C2CD3: variants seen among roughly 807,000 people sequenced by gnomAD.
C2CD3 encodes C2 domain containing 3 centriole elongation regulator.
Under a neutral mutation model 234.0 loss-of-function variants are expected in C2CD3, and 148 were observed. That is an observed-to-expected ratio of 0.63 (90% confidence interval 0.55 to 0.72). The LOEUF is 0.72. Among genes scored for constraint, C2CD3 ranks in the 30% least tolerant of loss-of-function variants. C2CD3 has a pLI of 0.00. For missense variants in C2CD3, 2,577 were observed against 2,811.5 expected (o/e 0.92, Z 1.89); for synonymous variants, 1,000 against 1,035.4 (o/e 0.97, Z 0.66).
rs113342391 is a variant in C2CD3 at position 74,054,742 on chromosome 11, G to A, written c.5091-71C>T. 0.015 allele frequency: 15,046 copies of A among 1,034,026 alleles called. 200 individuals carry two copies. The highest frequency in any genetic ancestry group is 0.051 in the African/African-American group (3,157 of 61,710). 64.1% of individuals were successfully genotyped at this position (1,034,026 alleles called of 1,614,324 possible). A position where few individuals can be genotyped will look rare whatever the true frequency, so the allele number is the denominator to read the frequency against. On this transcript the variant is annotated intron_variant, in intron 25 of 32. Transcript: ENST00000334126. Reference sequence around the variant, plus strand: ...CTGTAGTATAAAACTTAGATTTGAAGAATATCTTGTAATTTGCAAAGCACT... The same window carrying A: ...CTGTAGTATAAAACTTAGATTTGAAAAATATCTTGTAATTTGCAAAGCACT...
At chr11:74,079,614 C>A (rs1337892435) in intron 22 of C2CD3, among the ~76,000 whole-genome samples, 1 of 151,192 alleles carries the variant, frequency 6.6e-6, no homozygotes, top group East Asian at 1.9e-4. Flanking sequence ...CCTCTGATAA[C>A]CCTGAGAAGT....
intron 3 of C2CD3, among the ~76,000 whole-genome samples, chr11:74,156,950 G>C (rs573595376): frequency 1.3e-5 from 2 of 152,202 alleles, no homozygotes; most frequent in Non-Finnish European, 2.9e-5. Flanking sequence ...CAGCTTGGGT[G>C]ACAGGGCAAG....
chr11:74,166,570 CT>C (rs1856828075), intron 2 of C2CD3, among the ~76,000 whole-genome samples: 1 of 152,122 alleles, frequency 6.6e-6, no homozygotes, highest in African/African-American at 2.4e-5. Flanking sequence ...AGGATTCTGG[CT>C]TCTTAATAAC....
chr11:74,115,289 C>T (rs767080185), intron 9 of C2CD3, among the ~76,000 whole-genome samples: 9 of 151,650 alleles, frequency 5.9e-5, no homozygotes, highest in Non-Finnish European at 1.3e-4. Flanking sequence ...ATACATTATA[C>T]AATACATATG....
intron 20 of C2CD3, among the ~76,000 whole-genome samples, chr11:74,087,929 GCC>G (rs1384399804): frequency 6.6e-6 from 1 of 152,184 alleles, no homozygotes; most frequent in Admixed American, 6.5e-5. Flanking sequence ...AGTAAGAAGT[GCC>G]TACTTTACAT....
Position 74,054,610 on chromosome 11 carries a change from C to G in C2CD3, c.5152G>C (p.Gly1718Arg). 1 of 1,604,950 alleles carries G rather than the reference C, an allele frequency of 6.2e-7. No individual in the cohort carries two copies. Among genetic ancestry groups the G allele is most frequent in the Non-Finnish European group, 8.5e-7 (1 of 1,173,140 alleles). Residue 1718 changes from glycine (G) to arginine (R), a missense_variant, in exon 26 of 33, where the codon GGA becomes CGA. Coordinates refer to ENST00000334126, the MANE Select transcript of C2CD3 (RefSeq NM_001286577.2). ...ATTCTTTTAACAGAGTTCATACCTC[C>G]TTTATGCCAAACTTTGAAGACCAGG... ...QTLVFKVWHK[G>R]DEERVIGFAS...
At chr11:74,019,353 A>G (rs1015815568) in intron 32 of C2CD3, among the ~76,000 whole-genome samples, 2 of 152,172 alleles carry the variant, frequency 1.3e-5, no homozygotes, top group Non-Finnish European at 2.9e-5. Context: ...CCTGACCTCT[A>G]TACACCCGTG....
chr11:74,097,983 T>A (rs761925380), intron 16 of C2CD3, 26 bp downstream of exon 16: 3 of 1,592,614 alleles, frequency 1.9e-6, no homozygotes, highest in African/African-American at 2.7e-5. Flanking sequence ...AAATAATGAC[T>A]TTTTGTAAAC....
intron 20 of C2CD3, 133 bp from the exon 21 acceptor site, chr11:74,086,019 C>A: frequency 2.2e-6 from 2 of 915,246 alleles, no homozygotes; most frequent in Non-Finnish European, 3.2e-6. Context: ...TCTATCTAGG[C>A]TTTTGGCAGT....
At chr11:74,116,723 C>T (rs1254653990) in intron 9 of C2CD3, among the ~76,000 whole-genome samples, 2 of 150,638 alleles carry the variant, frequency 1.3e-5, no homozygotes, top group Admixed American at 6.6e-5. Flanking sequence ...ATGGAACCAG[C>T]CTAAATGCCC....
chr11:74,058,379 T>A (rs1954055675), intron 24 of C2CD3, among the ~76,000 whole-genome samples: 1 of 152,216 alleles, frequency 6.6e-6, no homozygotes, highest in Non-Finnish European at 1.5e-5. Flanking sequence ...ACTCATTTAA[T>A]CCTTACAACA....
At chr11:74,059,935 C>T (rs1954150019) in intron 24 of C2CD3, among the ~76,000 whole-genome samples, 1 of 152,140 alleles carries the variant, frequency 6.6e-6, no homozygotes, top group Admixed American at 6.5e-5. Flanking sequence ...TGCACTTTTC[C>T]AACGGCCTTA....
At chr11:74,097,020 G>A (rs1956134778) in intron 16 of C2CD3, among the ~76,000 whole-genome samples, 1 of 151,752 alleles carries the variant, frequency 6.6e-6, no homozygotes, top group African/African-American at 2.4e-5. Flanking sequence ...CCAGTGGTGG[G>A]TGCCTGTAAT....
At chr11:74,111,992 T>G (rs1461753006) in intron 11 of C2CD3, among the ~76,000 whole-genome samples, 1 of 150,910 alleles carries the variant, frequency 6.6e-6, no homozygotes, top group East Asian at 1.9e-4. Context: ...ACACACACAT[T>G]ATCTATCTAT....
rs752787504 is a variant in C2CD3, at chr11:74,078,568, G to A, written c.4150C>T (p.His1384Tyr). The A allele has an allele frequency of 9.9e-6, 16 of 1,613,938 alleles. No individual in the cohort carries two copies. Among genetic ancestry groups the A allele is most frequent in the Non-Finnish European group, 1.2e-5 (14 of 1,180,022 alleles). ...DRERVLEAAE[H>Y]LGWSFENSLK... Reference sequence around the variant, plus strand: ...CTGTTCTCAAAGCTCCAGCCCAAATGCTCAGCAGCTTCCAACACCCGTTCT... The same window carrying A: ...CTGTTCTCAAAGCTCCAGCCCAAATACTCAGCAGCTTCCAACACCCGTTCT... Residue 1384 changes from histidine to tyrosine, a missense_variant, in exon 23 of 33, where the codon CAT (histidine) becomes TAT (tyrosine). Physicochemically the swap from His to Tyr is moderately conservative, Grantham distance 83 (BLOSUM62 2). Coordinates refer to ENST00000334126, the MANE Select transcript of C2CD3 (RefSeq NM_001286577.2).
intron 5 of C2CD3, among the ~76,000 whole-genome samples, chr11:74,137,904 G>C (rs1293463446): frequency 6.6e-6 from 1 of 152,068 alleles, no homozygotes; most frequent in Non-Finnish European, 1.5e-5. Context: ...TTTTAAAGTA[G>C]GGAATCTAAG....
intron 28 of C2CD3, among the ~76,000 whole-genome samples, chr11:74,045,458 T>C (rs1473980079): frequency 2.0e-5 from 3 of 152,242 alleles, no homozygotes; most frequent in African/African-American, 4.8e-5. Context: ...AGGGATTGTG[T>C]TGAATCTGTA....
chr11:74,092,870 A>T (rs553572288), intron 18 of C2CD3, among the ~76,000 whole-genome samples: 6 of 152,284 alleles, frequency 3.9e-5, no homozygotes, highest in African/African-American at 7.2e-5. Flanking sequence ...GAAAGCTTCC[A>T]TCTTGCAGCA....
Position 74,049,636 on chromosome 11 carries a change from G to T in C2CD3, c.5156-94C>A, listed in dbSNP as rs192736215. 8 of 939,842 alleles carry T rather than the reference G, an allele frequency of 8.5e-6. No individual in the cohort carries two copies. In the African/African-American group the frequency reaches 1.1e-4, roughly 13 times the overall value. 58.2% of individuals were successfully genotyped at this position (939,842 alleles called of 1,614,324 possible). On this transcript the variant is annotated intron_variant, in intron 26 of 32. Coordinates refer to ENST00000334126, the MANE Select transcript of C2CD3 (RefSeq NM_001286577.2). Reference sequence around the variant, plus strand: ...CACAGAGAAGCTGATTCAGGGGATGGAGGAATTTAGTGATCCCAAAGCCAT... The same window carrying T: ...CACAGAGAAGCTGATTCAGGGGATGTAGGAATTTAGTGATCCCAAAGCCAT...
Sources: gnomAD v4.1 joint callset for allele counts (sites outside exome capture counted in the v4.1 genomes callset) on GRCh38, gnomAD v4.1.1 for gene constraint, MANE v1.5 for transcripts, NCBI Gene and HGNC (gene_info 2026-07-23, HGNC 2026-07-21) for gene names.